Variants in CHCHD6 observed in about 807,000 individuals in gnomAD.
CHCHD6 encodes the protein MICOS complex subunit MIC25.
A neutral mutation model predicts 32.3 loss-of-function variants in CHCHD6; 28 were observed. The ratio of observed to expected loss-of-function variants is 0.87; its 90% CI spans 0.64 to 1.19. The LOEUF (loss-of-function observed/expected upper bound fraction) is 1.19, where lower values mean the gene tolerates loss of function less well. CHCHD6 is among the 50% of genes most tolerant of loss of function. The probability of loss-of-function intolerance (pLI) is 0.00; values close to 1 mark genes in which losing one functional copy is unlikely to be tolerated. For missense variants in CHCHD6, 333 were observed against 307.0 expected (o/e 1.08, Z -0.63); for synonymous variants, 122 against 117.5 (o/e 1.04, Z -0.25).
chr3:126,855,300 A>G (rs916278992), intron 5 of CHCHD6, among the ~76,000 whole-genome samples: 3 of 152,154 alleles, frequency 2.0e-5, no homozygotes, highest in Non-Finnish European at 4.4e-5. Flanking sequence ...CCACACAGCA[A>G]TTCAGTCACT....
At chr3:126,949,953 C>T (rs2078694435) in intron 6 of CHCHD6, 1 of 153,594 alleles carries the variant, frequency 6.5e-6, no homozygotes. Flanking sequence ...GAAGTGAATG[C>T]TGCACAGATG....
intron 4 of CHCHD6, among the ~76,000 whole-genome samples, chr3:126,844,587 G>A (rs1275461475): frequency 1.3e-5 from 2 of 151,732 alleles, no homozygotes; most frequent in Non-Finnish European, 2.9e-5. Flanking sequence ...CCAAATTTTT[G>A]TGTCTTCGTA....
chr3:126,802,135 G>C (rs1002947313), intron 4 of CHCHD6, among the ~76,000 whole-genome samples: 2 of 152,136 alleles, frequency 1.3e-5, no homozygotes, highest in Non-Finnish European at 2.9e-5. Context: ...AGAAAAACTG[G>C]AAACTCTAAA....
chr3:126,891,020 G>T (rs1049153085), intron 5 of CHCHD6, among the ~76,000 whole-genome samples: 1 of 152,322 alleles, frequency 6.6e-6, no homozygotes, highest in African/African-American at 2.4e-5. Flanking sequence ...ATTGGGATGG[G>T]GTGAATTTTT....
At chr3:126,939,064 A>G (rs1470317884) in intron 6 of CHCHD6, among the ~76,000 whole-genome samples, 1 of 152,128 alleles carries the variant, frequency 6.6e-6, no homozygotes, top group African/African-American at 2.4e-5. Context: ...CTCTCTTTTT[A>G]TAGATAATTA....
chr3:126,890,419 G>A (rs2077741052), intron 5 of CHCHD6, among the ~76,000 whole-genome samples: 2 of 152,126 alleles, frequency 1.3e-5, no homozygotes, highest in Non-Finnish European at 2.9e-5. Context: ...GGAGAGGGCT[G>A]CAGTGTCCCA....
At chr3:126,778,967 A>C (rs914069979) in intron 4 of CHCHD6, among the ~76,000 whole-genome samples, 1 of 144,500 alleles carries the variant, frequency 6.9e-6, no homozygotes, top group Non-Finnish European at 1.5e-5. Flanking sequence ...GGGTCTCACT[A>C]TGTTGCCTAG....
intron 6 of CHCHD6, among the ~76,000 whole-genome samples, chr3:126,940,443 A>G (rs1055797104): frequency 7.9e-5 from 12 of 152,282 alleles, no homozygotes; most frequent in Admixed American, 7.2e-4. Context: ...TATGTAACCA[A>G]TCACTTATTG....
chr3:126,756,673 G>A (rs1936968522), intron 4 of CHCHD6, among the ~76,000 whole-genome samples: 1 of 152,198 alleles, frequency 6.6e-6, no homozygotes, highest in South Asian at 2.1e-4. Context: ...CAGGGCATGA[G>A]AACTAAATGG....
intron 5 of CHCHD6, among the ~76,000 whole-genome samples, chr3:126,868,290 G>A (rs1942358783): frequency 1.3e-5 from 2 of 152,224 alleles, no homozygotes; most frequent in Admixed American, 1.3e-4. Context: ...GTGGATGGAC[G>A]TAGATGGAGT....
At chr3:126,718,782 T>G (rs1207542058) in intron 1 of CHCHD6, among the ~76,000 whole-genome samples, 1 of 152,208 alleles carries the variant, frequency 6.6e-6, no homozygotes, top group Non-Finnish European at 1.5e-5. Flanking sequence ...CGCAGCCCCG[T>G]CTGGCTCCGG....
At position 126,804,567 on chromosome 3, in the gene CHCHD6, A is replaced by C. The variant is rs1193514599; in HGVS notation, c.412-48080A>C. On this transcript the variant is annotated intron_variant, in intron 4 of 7. Coordinates refer to ENST00000290913, the MANE Select transcript of CHCHD6 (RefSeq NM_032343.3). ...AACAGGATCTGAAATTGTGGCAATA[A>C]TCAATAGCTTACCAACCAAAAAGAG... is the stretch of plus-strand genomic sequence containing the variant. Among the ~76,000 whole-genome samples, 4 of 152,230 alleles carry C rather than the reference A, an allele frequency of 2.6e-5. No homozygotes were observed. In the East Asian group the frequency reaches 5.8e-4, roughly 22 times the overall value.
chr3:126,920,707 A>G (rs2078234468), intron 6 of CHCHD6, among the ~76,000 whole-genome samples: 1 of 152,222 alleles, frequency 6.6e-6, no homozygotes, highest in African/African-American at 2.4e-5. Flanking sequence ...CAGCCTCCAC[A>G]GGAGCGTTGC....
chr3:126,804,595 G>A (rs891069822), intron 4 of CHCHD6, among the ~76,000 whole-genome samples: 5 of 151,914 alleles, frequency 3.3e-5, no homozygotes, highest in East Asian at 1.9e-4. Flanking sequence ...AAAAAGAGTC[G>A]AGGACCAGAC....
At chr3:126,868,674 C>T (rs2077422359) in intron 5 of CHCHD6, among the ~76,000 whole-genome samples, 1 of 152,106 alleles carries the variant, frequency 6.6e-6, no homozygotes, top group Non-Finnish European at 1.5e-5. Context: ...ACCATGCATG[C>T]CATTTGGTAA....
In CHCHD6 at chr3:126,748,909, A is replaced by G. The variant is rs1936614032; in HGVS notation, c.411+15687A>G. Among the ~76,000 whole-genome samples the G allele has an allele frequency of 2.0e-5, 3 of 152,292 alleles. No individual in the cohort carries two copies. The South Asian group carries it at 6.2e-4, about 32-fold the overall frequency. ...AGAAACAGATGTCAAACAAGTAACT[A>G]TTACCAGCTGAGATAAGCATACTGC... On this transcript the variant is annotated intron_variant, in intron 4 of 7. Transcript: ENST00000290913.
At chr3:126,894,900 T>C (rs1230027953) in intron 5 of CHCHD6, among the ~76,000 whole-genome samples, 2 of 152,372 alleles carry the variant, frequency 1.3e-5, no homozygotes, top group African/African-American at 4.8e-5. Context: ...GAGCCACATA[T>C]GCACATGGTA....
At position 126,776,958 on chromosome 3, in the gene CHCHD6, C is replaced by T. The variant is rs1436046687; in HGVS notation, c.411+43736C>T. On this transcript the variant is annotated intron_variant, in intron 4 of 7. Transcript: ENST00000290913. ...GCCAGAGCTGTAGGTGAAGACCTGGCCTCTAGTTTCAGGGTCTTCCTCTTC... is the reference window on the plus strand; with the variant it reads ...GCCAGAGCTGTAGGTGAAGACCTGGTCTCTAGTTTCAGGGTCTTCCTCTTC... Among the ~76,000 whole-genome samples, 4 of 152,138 alleles carry T rather than the reference C, an allele frequency of 2.6e-5. No homozygotes were observed. The East Asian group carries it at 7.7e-4, about 29-fold the overall frequency.
At position 126,755,865 on chromosome 3, in the gene CHCHD6, TGTGTAGACACAGACATTC is replaced by T. The variant is rs545535281; in HGVS notation, c.411+22644_411+22661del. Among the ~76,000 whole-genome samples the T allele has an allele frequency of 9.8e-3, 1,483 of 152,066 alleles. 12 individuals carry two copies. The highest frequency in any genetic ancestry group is 0.015 in the Admixed American group (232 of 15,266). ...GTGTGTGTGTGTGTGTGTGTGTGTG[TGTGTAGACACAGACATTC>T]CTTATGCCTGGTCCTGGATCAGGTG... On this transcript the variant is annotated intron_variant, in intron 4 of 7. Coordinates refer to ENST00000290913, the MANE Select transcript of CHCHD6 (RefSeq NM_032343.3).
Sources: allele counts gnomAD v4.1 joint callset (sites outside exome capture counted in the v4.1 genomes callset), GRCh38; gene constraint gnomAD v4.1.1; transcripts MANE v1.5; gene names NCBI Gene and HGNC (gene_info 2026-07-23, HGNC 2026-07-21).